MDN1: variants seen among roughly 807,000 people sequenced by gnomAD.
MDN1 encodes midasin AAA ATPase 1, also known as midasin.
Under a neutral mutation model 669.2 loss-of-function variants are expected in MDN1, and 266 were observed. That is an observed-to-expected ratio of 0.40 (90% confidence interval 0.36 to 0.44). MDN1 has a LOEUF of 0.44. Among genes scored for constraint, MDN1 ranks in the 20% least tolerant of loss-of-function variants. MDN1 has a pLI of 1.00. For synonymous variants in MDN1, 2,385 were observed against 2,457.1 expected (o/e 0.97, Z 0.87); for missense variants, 5,940 against 6,754.0 (o/e 0.88, Z 4.22).
chr6:89,662,804 T>A lies in MDN1; in HGVS notation c.14400A>T (p.Pro4800=). The change falls in exon 86 of 102, where the codon CCA becomes CCT. Residue 4800 remains proline, a synonymous_variant. Transcript: ENST00000369393. ...EEDNKTEETG[P]GMDEEDSELV... ...ATCTTTGAATTACCTCATCCATTCC[T>A]GGTCCTGTTTCTTCAGTTTTATTGT... 6.2e-7 allele frequency: 1 copy of A among 1,614,150 alleles called. No homozygotes were observed. Among genetic ancestry groups the A allele is most frequent in the Non-Finnish European group, 8.5e-7 (1 of 1,180,018 alleles).
intron 31 of MDN1, among the ~76,000 whole-genome samples, chr6:89,740,918 G>C (rs188127048): frequency 3.5e-4 from 54 of 152,260 alleles, no homozygotes; most frequent in African/African-American, 1.2e-3. Context: ...GGATTCTATT[G>C]AATGATGGAA....
chr6:89,780,280 A>G lies in MDN1; in HGVS notation c.1657T>C (p.Trp553Arg). 6.4e-7 allele frequency: 1 copy of G among 1,573,720 alleles called. No individual in the cohort carries two copies. The highest frequency in any genetic ancestry group is 8.6e-7 in the Non-Finnish European group (1 of 1,162,674). Residue 553 changes from tryptophan to arginine, a missense_variant, in exon 11 of 102, where the codon TGG becomes CGG. By Grantham distance (101) the Trp-to-Arg change is moderately radical. Coordinates refer to ENST00000369393, the MANE Select transcript of MDN1 (RefSeq NM_014611.3). ...RELSLRDLLN[W>R]CNRIAHSFDS... Reference sequence around the variant, plus strand: ...AAGCTATGGGCAATCCTATTACACCAATTCAGCAGATCCCTTTAAAAAAAA... The same window carrying G: ...AAGCTATGGGCAATCCTATTACACCGATTCAGCAGATCCCTTTAAAAAAAA...
rs775276980 is a variant in MDN1, at chr6:89,658,873, G to A, written c.14758C>T (p.His4920Tyr). 3 of 1,613,394 alleles carry A rather than the reference G, an allele frequency of 1.9e-6. No individual in the cohort carries two copies. Among genetic ancestry groups the A allele is most frequent in the Admixed American group, 1.7e-5 (1 of 59,818 alleles). The change falls in exon 89 of 102, where the codon CAT becomes TAT. Residue 4920 changes from histidine to tyrosine, a missense_variant. This residue lies in a region of MDN1 where 2,280 missense variants were observed against 2,576.3 expected (regional missense o/e 0.88). Transcript: ENST00000369393. Reference protein sequence around the residue: ...EIKEKPEEAGHEAEERGETET... With the variant: ...EIKEKPEEAGYEAEERGETET... Reference sequence around the variant, plus strand: ...GTCTCTCCTCTTTCCTCAGCTTCATGACCTGCTTCTTCTGGTTTTTCTTTT... The same window carrying A: ...GTCTCTCCTCTTTCCTCAGCTTCATAACCTGCTTCTTCTGGTTTTTCTTTT...
At chr6:89,701,705 G>A in intron 54 of MDN1, 27 bp from the exon 55 acceptor site, 2 of 1,602,892 alleles carry the variant, frequency 1.2e-6, no homozygotes, top group Non-Finnish European at 8.5e-7. Flanking sequence ...GGGCACAGGG[G>A]AAATAAGGAA....
chr6:89,794,946 G>T, intron 2 of MDN1, 145 bp from the exon 3 acceptor site: 1 of 713,938 alleles, frequency 1.4e-6, no homozygotes, highest in Non-Finnish European at 2.3e-6. Context: ...TCATTGATTG[G>T]TGGGAATATC....
rs183588020 is a variant in MDN1 at position 89,680,459 on chromosome 6, T to C, written c.12265+130A>G. Reference sequence around the variant, plus strand: ...GAGCTCTGTGGGTTTTTAAGCCCACTTGCTTATTCAATCAACTGTTCAACA... The same window carrying C: ...GAGCTCTGTGGGTTTTTAAGCCCACCTGCTTATTCAATCAACTGTTCAACA... On this transcript the variant is annotated intron_variant, in intron 74 of 101. Coordinates refer to ENST00000369393, the MANE Select transcript of MDN1 (RefSeq NM_014611.3). 1.5e-5 allele frequency: 17 copies of C among 1,111,046 alleles called. No homozygotes were observed. The East Asian group carries it at 4.7e-4, about 30-fold the overall frequency. 68.8% of individuals were successfully genotyped at this position (1,111,046 alleles called of 1,614,324 possible).
At chr6:89,688,879 C>T (rs1812197885) in intron 65 of MDN1, 71 bp from the exon 66 acceptor site, 1 of 1,287,440 alleles carries the variant, frequency 7.8e-7, no homozygotes, top group African/African-American at 1.5e-5. Flanking sequence ...AAAAAGATGT[C>T]AGCAACAGGG....
intron 5 of MDN1, among the ~76,000 whole-genome samples, chr6:89,792,160 G>T (rs141834643): frequency 6.6e-6 from 1 of 152,128 alleles, no homozygotes; most frequent in East Asian, 1.9e-4. Context: ...GAGCCACTGC[G>T]CCTGGCCTTA....
In MDN1 at chr6:89,690,100, T is replaced by C. The variant is rs1377640596; in HGVS notation, c.10793A>G (p.Lys3598Arg). The C allele has an allele frequency of 1.2e-6, 2 of 1,614,190 alleles. No individual in the cohort carries two copies. Among genetic ancestry groups the C allele is most frequent in the South Asian group, 1.1e-5 (1 of 91,082 alleles). The change falls in exon 65 of 102, where the codon AAA (lysine) becomes AGA (arginine). Residue 3598 changes from lysine (K) to arginine (R), a missense_variant. Coordinates refer to ENST00000369393, the MANE Select transcript of MDN1 (RefSeq NM_014611.3). Reference sequence around the variant, plus strand: ...CTCTTCTTGCCCATCTGAAGTTCCTTTGTTCTCCTCCAACGTTGGCTGCAC... The same window carrying C: ...CTCTTCTTGCCCATCTGAAGTTCCTCTGTTCTCCTCCAACGTTGGCTGCAC... ...ILVQPTLEEN[K>R]GTSDGQEEEA...
At chr6:89,734,161 T>C (rs1480838614) in intron 33 of MDN1, among the ~76,000 whole-genome samples, 1 of 152,004 alleles carries the variant, frequency 6.6e-6, no homozygotes, top group Non-Finnish European at 1.5e-5. Context: ...GGCACGTGCC[T>C]GTAATCTCAG....
chr6:89,750,915 G>GT (rs1453888655), intron 23 of MDN1, among the ~76,000 whole-genome samples: 22 of 44,416 alleles, frequency 5.0e-4, no homozygotes, highest in East Asian at 3.6e-3. Flanking sequence ...GTATTATTTT[G>GT]GTTTTTTTTT....
chr6:89,793,570 A>G (rs1035557070), intron 5 of MDN1, among the ~76,000 whole-genome samples, 192 bp downstream of exon 5: 1 of 152,214 alleles, frequency 6.6e-6, no homozygotes, highest in African/African-American at 2.4e-5. Flanking sequence ...ATTAACAAAA[A>G]ATAAAAACAA....
chr6:89,762,422 G>A lies in MDN1; in HGVS notation c.2253C>T (p.His751=), dbSNP rs144783527. 44 of 1,613,962 alleles carry A rather than the reference G, an allele frequency of 2.7e-5. No individual in the cohort carries two copies. The African/African-American group carries it at 5.6e-4, about 21-fold the overall frequency. ...GTTTCTGTCTGTAACAGGTCTGAAT[G>A]TGCCCCAAGAACGTAAAGTTTTGTT... ...SKKQNFTFLG[H]IQTCYRQKRW... is the part of the protein sequence containing the mutation. The change falls in exon 16 of 102, where the codon CAC becomes CAT. Residue 751 remains histidine, a synonymous_variant. Transcript: ENST00000369393.
rs1768297022 is a variant in MDN1, at chr6:89,810,014, A to AT, written c.103-6461_103-6460insA. On this transcript the variant is annotated intron_variant, in intron 1 of 101. Coordinates refer to ENST00000369393, the MANE Select transcript of MDN1 (RefSeq NM_014611.3). ...TCACTAAAAAAAAAAAAAAAAAAAAAAAAAAAAAAAAATTAAGTTTGGAAG... is the reference window on the plus strand; with the variant it reads ...TCACTAAAAAAAAAAAAAAAAAAAAATAAAAAAAAAAAATTAAGTTTGGAAG... Among the ~76,000 whole-genome samples, 10 of 147,278 alleles carry AT rather than the reference A, an allele frequency of 6.8e-5. No individual in the cohort carries two copies. The South Asian group carries it at 2.1e-3, about 31-fold the overall frequency.
chr6:89,706,399 T>C (rs1011164933), intron 52 of MDN1, among the ~76,000 whole-genome samples: 1 of 152,198 alleles, frequency 6.6e-6, no homozygotes, highest in African/African-American at 2.4e-5. Flanking sequence ...TCTTTCAGAT[T>C]TTCAATTTTT....
intron 1 of MDN1, among the ~76,000 whole-genome samples, chr6:89,816,593 A>C (rs1768851825): frequency 6.6e-6 from 1 of 151,220 alleles, no homozygotes; most frequent in African/African-American, 2.4e-5. Flanking sequence ...AAAAAGAAAC[A>C]TTTGCAATCT....
rs2013736 is a variant in MDN1 at position 89,712,908 on chromosome 6, G to T, written c.7219-122C>A. 1.6e-5 allele frequency: 14 copies of T among 876,118 alleles called. No individual in the cohort carries two copies. The Admixed American group carries it at 3.5e-4, about 22-fold the overall frequency. The allele number at this position is 876,118 out of a possible 1,614,324, so 54.3% of individuals were successfully genotyped here. A position where few individuals can be genotyped will look rare whatever the true frequency, so the allele number is the denominator to read the frequency against. On this transcript the variant is annotated intron_variant, in intron 47 of 101. Coordinates refer to ENST00000369393, the MANE Select transcript of MDN1 (RefSeq NM_014611.3). ...AACAACTTTTAATACACTCTTCAAT[G>T]AAAAACACAAGTCAAATTCTACTTT...
rs757099638 is a variant in MDN1 at position 89,658,603 on chromosome 6, A to G, written c.15021+7T>C. 10 of 1,601,100 alleles carry G rather than the reference A, an allele frequency of 6.2e-6. No homozygotes were observed. In the South Asian group the frequency reaches 1.0e-4, roughly 16 times the overall value. ...TTTAACATAAAAAGCCAGACATCTC[A>G]TGATACCTGGGGCTGGAAACCTTGG... is the stretch of plus-strand genomic sequence containing the variant. On this transcript the variant is annotated splice_region_variant and intron_variant, in intron 89 of 101. Transcript: ENST00000369393.
chr6:89,758,754 C>T (rs1817386110), intron 18 of MDN1, 62 bp downstream of exon 18: 1 of 1,554,246 alleles, frequency 6.4e-7, no homozygotes, highest in African/African-American at 1.4e-5. Context: ...AACAAAAAAT[C>T]TCACTCTAAA....
Sources: allele counts gnomAD v4.1 joint callset (sites outside exome capture counted in the v4.1 genomes callset), GRCh38; gene constraint gnomAD v4.1.1; regional missense constraint gnomAD v4.1.1; transcripts MANE v1.5; gene names NCBI Gene and HGNC (gene_info 2026-07-23, HGNC 2026-07-21).